KCNK12: variants seen among roughly 807,000 people sequenced by gnomAD.
KCNK12 encodes potassium channel subfamily K member 12.
A neutral mutation model predicts 25.3 loss-of-function variants in KCNK12; 6 were observed. The observed-to-expected ratio is 0.24, with a 90% CI of 0.13 to 0.47. The LOEUF (loss-of-function observed/expected upper bound fraction) is 0.47. KCNK12 is among the 20% of genes least tolerant of loss of function. The pLI is 0.99. For missense variants in KCNK12, 444 were observed against 661.7 expected, an observed-to-expected ratio of 0.67 and a Z score of 3.61; for synonymous variants, 331 against 311.1, an observed-to-expected ratio of 1.06 and a Z score of -0.67.
chr2:47,542,712 G>A (rs993978252), intron 1 of KCNK12, among the ~76,000 whole-genome samples: 6 of 152,282 alleles, frequency 3.9e-5, no homozygotes, highest in Admixed American at 1.3e-4. Context: ...GGGATGGCGC[G>A]AGGTGAGAGT....
chr2:47,527,218 G>A (rs1022723554), intron 1 of KCNK12, among the ~76,000 whole-genome samples: 3 of 152,182 alleles, frequency 2.0e-5, no homozygotes, highest in African/African-American at 4.8e-5. Context: ...GAGCATCTTC[G>A]TGGGAGAGTG....
At chr2:47,568,809 A>T (rs567118730) in intron 1 of KCNK12, among the ~76,000 whole-genome samples, 23 of 152,334 alleles carry the variant, frequency 1.5e-4, no homozygotes, top group African/African-American at 5.3e-4. Flanking sequence ...AGGTGTGACC[A>T]GCCAAGTGCC....
chr2:47,515,195 G>A lies in KCNK12; in HGVS notation c.*5712C>T, dbSNP rs1270295858. 6.6e-6 allele frequency among the ~76,000 whole-genome samples: 1 copy of A among 152,182 alleles called. No individual in the cohort carries two copies. Among genetic ancestry groups the A allele is most frequent in the African/African-American group, 2.4e-5 (1 of 41,452 alleles). ...GAAATCAGGCCTCTCCGCCACGGCAGCCTAGCTAATGGGTCTTGGCTGGAA... is the reference window on the plus strand; with the variant it reads ...GAAATCAGGCCTCTCCGCCACGGCAACCTAGCTAATGGGTCTTGGCTGGAA... On this transcript the variant is annotated 3_prime_UTR_variant, in exon 2 of 2. Transcript: ENST00000327876.
intron 1 of KCNK12, among the ~76,000 whole-genome samples, chr2:47,524,388 C>A (rs1055026587): frequency 1.3e-5 from 2 of 152,150 alleles, no homozygotes; most frequent in African/African-American, 4.8e-5. Flanking sequence ...AAGCATGAAC[C>A]ATAGCTACTT....
intron 1 of KCNK12, among the ~76,000 whole-genome samples, chr2:47,527,340 C>T (rs1227690116): frequency 6.6e-6 from 1 of 152,184 alleles, no homozygotes; most frequent in Non-Finnish European, 1.5e-5. Context: ...ATGGCCTATC[C>T]CCTAAAGAGT....
In KCNK12 at chr2:47,512,158, T is replaced by C. The variant is rs1668417476; in HGVS notation, c.*8749A>G. The C allele has an allele frequency of 3.0e-6, 3 of 991,926 alleles. No homozygotes were observed. Among genetic ancestry groups the C allele is most frequent in the East Asian group, 2.7e-5 (1 of 37,488 alleles). 61.4% of individuals were successfully genotyped at this position (991,926 alleles called of 1,614,324 possible). On this transcript the variant is annotated 3_prime_UTR_variant, in exon 2 of 2. Transcript: ENST00000327876. ...CATCCTGCATCCAGATGGCTGGTCC[T>C]GCTCCTCCCAGTCCATGGAGAAAAA...
intron 1 of KCNK12, among the ~76,000 whole-genome samples, chr2:47,541,613 G>C (rs187336253): frequency 6.6e-6 from 1 of 152,246 alleles, no homozygotes; most frequent in South Asian, 2.1e-4. Flanking sequence ...TGCATTGGTA[G>C]AAAGGCTTTT....
At chr2:47,535,045 G>C in intron 1 of KCNK12, 1 of 228,936 alleles carries the variant, frequency 4.4e-6, no homozygotes, top group Non-Finnish European at 8.7e-6. Flanking sequence ...CCCAGGCTGA[G>C]GGGGCACGCA....
At chr2:47,561,434 G>A (rs2104885123) in intron 1 of KCNK12, among the ~76,000 whole-genome samples, 1 of 152,336 alleles carries the variant, frequency 6.6e-6, no homozygotes, top group East Asian at 1.9e-4. Context: ...TAACAGCATA[G>A]GACACAACAC....
chr2:47,552,002 G>A (rs1669443876), intron 1 of KCNK12, among the ~76,000 whole-genome samples: 1 of 152,218 alleles, frequency 6.6e-6, no homozygotes, highest in South Asian at 2.1e-4. Flanking sequence ...TGGCCCTGGG[G>A]ACGACCGGTG....
At position 47,517,964 on chromosome 2, in the gene KCNK12, G is replaced by C. The variant is rs554650188; in HGVS notation, c.*2943C>G. On this transcript the variant is annotated 3_prime_UTR_variant, in exon 2 of 2. Transcript: ENST00000327876. The surrounding 1 kb of genome is among the most constrained non-coding windows in gnomAD (Gnocchi z 4.1). ...ATCCTGGAGCATGAGGAAATTGTAG[G>C]CTACAGTGAGCTACCAGTGGTGTGC... 1 of 152,318 alleles carries C rather than the reference G, an allele frequency of 6.6e-6. No homozygotes were observed. Among genetic ancestry groups the C allele is most frequent in the Admixed American group, 6.5e-5 (1 of 15,300 alleles). The allele number at this position is 152,318 out of a possible 1,614,324, so 9.4% of individuals were successfully genotyped here. A position where few individuals can be genotyped will look rare whatever the true frequency, so the allele number is the denominator to read the frequency against.
At position 47,513,412 on chromosome 2, in the gene KCNK12, C is replaced by G. The variant is rs1214008278; in HGVS notation, c.*7495G>C. ...CCTTGGCTTTGTGGCATCCTGTGCT[C>G]TTGGTTTTCTCCCATATCTCTGACC... On this transcript the variant is annotated 3_prime_UTR_variant, in exon 2 of 2. Coordinates refer to ENST00000327876, the MANE Select transcript of KCNK12 (RefSeq NM_022055.2). Among the ~76,000 whole-genome samples the G allele has an allele frequency of 2.0e-5, 3 of 152,200 alleles. No homozygotes were observed. The highest frequency in any genetic ancestry group is 4.4e-5 in the Non-Finnish European group (3 of 68,030).
At chr2:47,534,262 A>G (rs992864670) in intron 1 of KCNK12, among the ~76,000 whole-genome samples, 6 of 151,960 alleles carry the variant, frequency 3.9e-5, no homozygotes, top group Non-Finnish European at 5.9e-5. Context: ...TCTGGGATTA[A>G]GGTTTTCTCT....
At position 47,511,583 on chromosome 2, in the gene KCNK12, T is replaced by C. The variant is rs1298043147; in HGVS notation, c.*9324A>G. Among the ~76,000 whole-genome samples, 1 of 152,166 alleles carries C rather than the reference T, an allele frequency of 6.6e-6. No homozygotes were observed. Among genetic ancestry groups the C allele is most frequent in the Admixed American group, 6.5e-5 (1 of 15,286 alleles). ...ACATCACAGGGTAACCAAATGCTTT[T>C]GCCCTGGGGGTGGGAGAGGGATGGG... On this transcript the variant is annotated 3_prime_UTR_variant, in exon 2 of 2. Coordinates refer to ENST00000327876, the MANE Select transcript of KCNK12 (RefSeq NM_022055.2). This position sits in a 1 kb window ranked among gnomAD's most constrained non-coding sequence, Gnocchi z 4.3.
At position 47,562,963 on chromosome 2, in the gene KCNK12, G is replaced by C; in HGVS notation, c.391+6978C>G. 4.3e-6 allele frequency: 1 copy of C among 233,578 alleles called. No homozygotes were observed. The highest frequency in any genetic ancestry group is 8.5e-6 in the Non-Finnish European group (1 of 118,328). The allele number at this position is 233,578 out of a possible 1,614,324, so 14.5% of individuals were successfully genotyped here. On this transcript the variant is annotated intron_variant, in intron 1 of 1. Coordinates refer to ENST00000327876, the MANE Select transcript of KCNK12 (RefSeq NM_022055.2). The surrounding 1 kb of genome is among the most constrained non-coding windows in gnomAD (Gnocchi z 4.8). The stretch of plus-strand genomic sequence containing the variant: ...CGACCCCGGAAAGTCAGTGGAACTG[G>C]ACGGAAAAAATGGAAGGGCCAGAAA...
chr2:47,542,166 GCT>G (rs1247101957), intron 1 of KCNK12, among the ~76,000 whole-genome samples: 2 of 152,208 alleles, frequency 1.3e-5, no homozygotes, highest in Non-Finnish European at 2.9e-5. Flanking sequence ...GGCCTGCTGG[GCT>G]CCTCCAGGTT....
chr2:47,520,735 C>T lies in KCNK12; in HGVS notation c.*172G>A, dbSNP rs1210160089. 4.6e-6 allele frequency: 2 copies of T among 432,040 alleles called. No homozygotes were observed. Among genetic ancestry groups the T allele is most frequent in the African/African-American group, 2.0e-5 (1 of 49,156 alleles). The allele number at this position is 432,040 out of a possible 1,614,324, so 26.8% of individuals were successfully genotyped here. A position where few individuals can be genotyped will look rare whatever the true frequency, so the allele number is the denominator to read the frequency against. On this transcript the variant is annotated 3_prime_UTR_variant, in exon 2 of 2. Transcript: ENST00000327876. The surrounding 1 kb of genome is among the most constrained non-coding windows in gnomAD (Gnocchi z 5.0). ...ACAAGGAACACAGGCGTCCCCAAAA[C>T]CTGCCCTTGATAACATCAGGCCTGG... is the stretch of plus-strand genomic sequence containing the variant.
chr2:47,525,283 G>A lies in KCNK12; in HGVS notation c.392-3475C>T, dbSNP rs1471048308. Among the ~76,000 whole-genome samples, 1 of 152,208 alleles carries A rather than the reference G, an allele frequency of 6.6e-6. No individual in the cohort carries two copies. Among genetic ancestry groups the A allele is most frequent in the Non-Finnish European group, 1.5e-5 (1 of 68,038 alleles). ...GTTATGGGTAGTTGTTGTGGCAGTG[G>A]AGAGTGCTGTGGATTCTTTCACTCA... is the stretch of plus-strand genomic sequence containing the variant. On this transcript the variant is annotated intron_variant, in intron 1 of 1. Coordinates refer to ENST00000327876, the MANE Select transcript of KCNK12 (RefSeq NM_022055.2). The surrounding 1 kb of genome is among the most constrained non-coding windows in gnomAD (Gnocchi z 4.1).
rs1441980571 is a variant in KCNK12 at position 47,517,386 on chromosome 2, G to T, written c.*3521C>A. 6.6e-6 allele frequency: 1 copy of T among 152,150 alleles called. No homozygotes were observed. The highest frequency in any genetic ancestry group is 2.4e-5 in the African/African-American group (1 of 41,420). The allele number at this position is 152,150 out of a possible 1,614,324, so 9.4% of individuals were successfully genotyped here. ...TTTTCCAGGGTTTGGCTTGGGTTTG[G>T]ATGCTGGCTTCTGTGTGAAACCTGA... On this transcript the variant is annotated 3_prime_UTR_variant, in exon 2 of 2. Coordinates refer to ENST00000327876, the MANE Select transcript of KCNK12 (RefSeq NM_022055.2). The surrounding 1 kb of genome is among the most constrained non-coding windows in gnomAD (Gnocchi z 4.1).
Sources: allele counts gnomAD v4.1 joint callset (sites outside exome capture counted in the v4.1 genomes callset), GRCh38; gene constraint gnomAD v4.1.1; non-coding constraint Gnocchi (gnomAD v3.1); transcripts MANE v1.5; gene names NCBI Gene and HGNC (gene_info 2026-07-23, HGNC 2026-07-21).